INCA1: variants seen among roughly 807,000 people sequenced by gnomAD.
INCA1 encodes the protein protein INCA1.
Under a neutral mutation model 25.7 loss-of-function variants are expected in INCA1, and 28 were observed. That is an observed-to-expected ratio of 1.09 (90% confidence interval 0.81 to 1.49). The LOEUF (loss-of-function observed/expected upper bound fraction) is 1.49, where lower values mean the gene tolerates loss of function less well. Among genes scored for constraint, INCA1 ranks in the 40% most tolerant of loss-of-function variants. The pLI is 0.00. For missense variants in INCA1, 309 were observed against 290.9 expected (o/e 1.06, Z -0.45); for synonymous variants, 111 against 103.6 (o/e 1.07, Z -0.43).
At position 4,989,418 on chromosome 17, in the gene INCA1, C is replaced by G; in HGVS notation, c.395+10G>C. 6.2e-7 allele frequency: 1 copy of G among 1,608,586 alleles called. No individual in the cohort carries two copies. Among genetic ancestry groups the G allele is most frequent in the Non-Finnish European group, 8.5e-7 (1 of 1,176,098 alleles). ...ATGACTCCCAGAACCCAGATGTCTC[C>G]CTTCCTTACTCGTTGATGATGCTCT... is the stretch of plus-strand genomic sequence containing the variant. On this transcript the variant is annotated intron_variant, in intron 5 of 6. Coordinates refer to ENST00000576820, the Ensembl canonical transcript of INCA1.
Position 4,990,257 on chromosome 17 carries a change from CTGGAACACCTGAGGTG to C in INCA1, c.45-8_52del. ...TGGGGGTGGAGATCGGCTGACCACCCTGGAACACCTGAGGTGAGGACAAGGTAGGCTCGGGTCTGGC... is the reference window on the plus strand; with the variant it reads ...TGGGGGTGGAGATCGGCTGACCACCCAGGACAAGGTAGGCTCGGGTCTGGC... On this transcript the variant is annotated splice_acceptor_variant and splice_polypyrimidine_tract_variant and coding_sequence_variant and intron_variant, in exon 3 of 7. Transcript: ENST00000576820. LOFTEE classifies it high-confidence loss of function. The C allele has an allele frequency of 6.2e-7, 1 of 1,613,286 alleles. No individual in the cohort carries two copies. Among genetic ancestry groups the C allele is most frequent in the Non-Finnish European group, 8.5e-7 (1 of 1,179,550 alleles).
chr17:4,988,265 A>T, exon 7 of INCA1: 1 of 903,978 alleles, frequency 1.1e-6, no homozygotes, highest in Non-Finnish European at 1.6e-6. Flanking sequence ...GTTAATGCCT[A>T]GTTCAGAGGA....
At chr17:4,993,232 T>C (rs1973996640) in intron 2 of INCA1, among the ~76,000 whole-genome samples, 1 of 151,888 alleles carries the variant, frequency 6.6e-6, no homozygotes, top group Admixed American at 6.6e-5. Context: ...CGGGCTGGAG[T>C]GCAATGGCTC....
At chr17:4,996,337 A>C (rs1186788608) in intron 1 of INCA1, among the ~76,000 whole-genome samples, 1 of 151,490 alleles carries the variant, frequency 6.6e-6, no homozygotes, top group African/African-American at 2.4e-5. Context: ...AGATCGCACC[A>C]CTGCACTGCA....
In INCA1 at chr17:4,988,910, CA is replaced by C; in HGVS notation, c.429del (p.Ala144HisfsTer103). 3 of 1,614,166 alleles carry C rather than the reference CA, an allele frequency of 1.9e-6. No individual in the cohort carries two copies. Among genetic ancestry groups the C allele is most frequent in the Non-Finnish European group, 2.5e-6 (3 of 1,180,026 alleles). On this transcript the variant is annotated frameshift_variant, in exon 6 of 7. Transcript: ENST00000576820. LOFTEE classifies it high-confidence loss of function. ...TCGCCAAGCACCACTGGCTCAGATG[CA>C]GCCCCAGAGCTGCCCCACTGGGCCT...
upstream of INCA1, chr17:4,997,262 T>G (rs1974357698): frequency 6.6e-6 from 1 of 152,252 alleles, no homozygotes; most frequent in African/African-American, 2.4e-5. Context: ...AGGGCACGAC[T>G]GGGGGCTGCT....
At chr17:4,997,131 T>C (rs1974344675), upstream of INCA1, 1 of 152,476 alleles carries the variant, frequency 6.6e-6, no homozygotes, top group Non-Finnish European at 1.5e-5. Context: ...GCTGAGGGGC[T>C]GCCTGGAGCC....
intron 1 of INCA1, among the ~76,000 whole-genome samples, chr17:4,996,636 C>T (rs1406307524): frequency 1.6e-5 from 2 of 124,356 alleles, no homozygotes; most frequent in South Asian, 2.5e-4. Context: ...GAGCCGAGGT[C>T]AGCCTGGGCA....
At position 4,988,950 on chromosome 17, in the gene INCA1, G is replaced by A. The variant is rs1166166645; in HGVS notation, c.396-6C>T. On this transcript the variant is annotated splice_region_variant and splice_polypyrimidine_tract_variant and intron_variant, in intron 5 of 6. Transcript: ENST00000576820. ...CCCACTGGGCCTTCTTCAGTCTGTG[G>A]AGACTTTAGGCTGAGGAGAGAAGTG... is the stretch of plus-strand genomic sequence containing the variant. 6.2e-7 allele frequency: 1 copy of A among 1,612,322 alleles called. No individual in the cohort carries two copies. Among genetic ancestry groups the A allele is most frequent in the Non-Finnish European group, 8.5e-7 (1 of 1,179,472 alleles).
chr17:4,988,343 G>C (rs1438307290), exon 7 of INCA1: 18 of 1,514,752 alleles, frequency 1.2e-5, no homozygotes, highest in African/African-American at 1.4e-5. Flanking sequence ...GGTGACTCTA[G>C]TGACGGAACT....
At chr17:4,995,537 G>A (rs918541420) in intron 1 of INCA1, among the ~76,000 whole-genome samples, 1 of 152,174 alleles carries the variant, frequency 6.6e-6, no homozygotes, top group Non-Finnish European at 1.5e-5. Context: ...GCTCACACCT[G>A]TAATCCCAGC....
chr17:4,997,324 G>A (rs970054854), upstream of INCA1, among the ~76,000 whole-genome samples: 2 of 152,188 alleles, frequency 1.3e-5, no homozygotes, highest in Admixed American at 6.5e-5. Context: ...GGCAGGCTGG[G>A]GCCTGAGGGA....
exon 6 of INCA1, chr17:4,988,847 C>G: frequency 6.2e-7 from 1 of 1,614,236 alleles, no homozygotes; most frequent in East Asian, 2.2e-5. Context: ...TCTTCCAGAT[C>G]AGGGTATTCA....
At chr17:4,993,767 C>CCACTG (rs1974039366) in intron 2 of INCA1, among the ~76,000 whole-genome samples, 6 of 97,288 alleles carry the variant, frequency 6.2e-5, no homozygotes, top group African/African-American at 1.3e-4. Context: ...CGTGCCTGGC[C>CCACTG]TTTTTTTTTT....
chr17:4,994,187 A>G (rs1597818704), intron 2 of INCA1, among the ~76,000 whole-genome samples: 1 of 152,328 alleles, frequency 6.6e-6, no homozygotes, highest in East Asian at 1.9e-4. Flanking sequence ...CTATCCTGCT[A>G]GTTGCTGAAT....
chr17:4,991,279 G>A (rs1476600414), intron 2 of INCA1, among the ~76,000 whole-genome samples: 3 of 152,144 alleles, frequency 2.0e-5, no homozygotes, highest in African/African-American at 7.2e-5. Context: ...GCCATCCTAG[G>A]CCGCAGGTTG....
exon 7 of INCA1, chr17:4,988,304 A>C: frequency 7.5e-7 from 1 of 1,326,590 alleles, no homozygotes; most frequent in Non-Finnish European, 1.0e-6. Flanking sequence ...AGACGAAGGA[A>C]GGGGAAACGC....
chr17:4,996,670 A>G (rs1276672904), intron 1 of INCA1, among the ~76,000 whole-genome samples: 3 of 144,038 alleles, frequency 2.1e-5, no homozygotes, highest in Admixed American at 2.1e-4. Flanking sequence ...CCGTCTCAAA[A>G]AAAAAAAAAA....
At chr17:4,988,286 A>T in exon 7 of INCA1, 1 of 1,146,542 alleles carries the variant, frequency 8.7e-7, no homozygotes, top group Non-Finnish European at 1.2e-6. Context: ...TGGGAAAGGC[A>T]GTTGGAGAGA....
Sources: gnomAD v4.1 joint callset for allele counts (sites outside exome capture counted in the v4.1 genomes callset) on GRCh38, gnomAD v4.1.1 for gene constraint, MANE v1.5 for transcripts, NCBI Gene and HGNC (gene_info 2026-07-23, HGNC 2026-07-21) for gene names.